The following THRB variants were observed in gnomAD, a reference collection of about 807,000 sequenced individuals.
THRB encodes the protein thyroid hormone receptor beta, also known as nuclear receptor subfamily 1 group A member 2.
THRB carries 12 observed loss-of-function variants against 47.8 expected under a neutral mutation model. The observed-to-expected ratio is 0.25, with a 90% CI of 0.16 to 0.41. The LOEUF is 0.41. Ranked by LOEUF, THRB falls within the 10% of genes least tolerant of loss-of-function variation. The pLI, the probability that THRB is intolerant of heterozygous loss-of-function variation, is 1.00. For synonymous variants in THRB, 218 were observed against 212.2 expected (o/e 1.03, Z -0.24); for missense variants, 348 against 589.2 (o/e 0.59, Z 4.24).
At chr3:24,315,871 G>T (rs1223603234) in intron 2 of THRB, among the ~76,000 whole-genome samples, 1 of 152,196 alleles carries the variant, frequency 6.6e-6, no homozygotes, top group Admixed American at 6.5e-5. Flanking sequence ...AAGGTTTTAT[G>T]ATCCTCATAT....
chr3:24,233,622 A>G (rs989811180), intron 3 of THRB, among the ~76,000 whole-genome samples: 13 of 152,154 alleles, frequency 8.5e-5, no homozygotes, highest in African/African-American at 2.9e-4. Context: ...AAAGAGAAAG[A>G]GCCTGTAGGA....
chr3:24,398,855 T>G (rs559774582), intron 1 of THRB, among the ~76,000 whole-genome samples: 4,955 of 152,130 alleles, frequency 0.033, 243 homozygotes, highest in African/African-American at 0.11. Flanking sequence ...TAGACTGGAT[T>G]AAGAAAATGT....
chr3:24,269,426 C>T (rs2053066397), intron 3 of THRB, among the ~76,000 whole-genome samples: 1 of 147,384 alleles, frequency 6.8e-6, no homozygotes, highest in African/African-American at 2.7e-5. Flanking sequence ...CACACACACA[C>T]ACACACACAC....
At chr3:24,223,218 G>A (rs1461218153) in intron 4 of THRB, among the ~76,000 whole-genome samples, 2 of 152,222 alleles carry the variant, frequency 1.3e-5, no homozygotes, top group African/African-American at 4.8e-5. Context: ...TCACCACTTT[G>A]TGTGAGTGTT....
chr3:24,430,480 T>C (rs1266352838), intron 1 of THRB, among the ~76,000 whole-genome samples: 1 of 151,992 alleles, frequency 6.6e-6, no homozygotes, highest in Non-Finnish European at 1.5e-5. Context: ...CCATTCCAGA[T>C]GAAATATATG....
intron 1 of THRB, among the ~76,000 whole-genome samples, chr3:24,447,490 C>T (rs567290035): frequency 6.6e-6 from 1 of 152,128 alleles, no homozygotes; most frequent in Admixed American, 6.5e-5. Flanking sequence ...TTTGTTTCAT[C>T]GTGTCCTGTT....
At chr3:24,469,592 A>G (rs1448328357) in intron 1 of THRB, among the ~76,000 whole-genome samples, 1 of 152,250 alleles carries the variant, frequency 6.6e-6, no homozygotes, top group Non-Finnish European at 1.5e-5. Flanking sequence ...TGAAATATCT[A>G]TGAAAATGAT....
intron 2 of THRB, among the ~76,000 whole-genome samples, chr3:24,315,924 T>G (rs2058083310): frequency 6.6e-6 from 1 of 152,234 alleles, no homozygotes; most frequent in Admixed American, 6.5e-5. Context: ...GATTCAGGCT[T>G]GACAATTGTG....
intron 5 of THRB, among the ~76,000 whole-genome samples, chr3:24,162,150 A>G (rs2038950471): frequency 6.6e-6 from 1 of 151,886 alleles, no homozygotes; most frequent in African/African-American, 2.4e-5. Context: ...GGAAACAGCT[A>G]GCACTTCCAC....
chr3:24,137,224 G>A (rs2034795337), intron 8 of THRB, among the ~76,000 whole-genome samples: 1 of 152,190 alleles, frequency 6.6e-6, no homozygotes, highest in African/African-American at 2.4e-5. Flanking sequence ...AAGTTGTGGA[G>A]GACAGAATGC....
chr3:24,178,484 T>C (rs913075549), intron 5 of THRB, among the ~76,000 whole-genome samples: 6 of 152,110 alleles, frequency 3.9e-5, no homozygotes, highest in Non-Finnish European at 5.9e-5. Flanking sequence ...AAGTGAGACC[T>C]TGTCTAAAAA....
intron 1 of THRB, among the ~76,000 whole-genome samples, chr3:24,469,258 T>C (rs917318861): frequency 1.3e-5 from 2 of 152,210 alleles, no homozygotes; most frequent in African/African-American, 4.8e-5. Context: ...GGATCCGTCT[T>C]GGATTTCTGG....
intron 6 of THRB, among the ~76,000 whole-genome samples, chr3:24,151,467 G>A (rs1309506836): frequency 6.6e-6 from 1 of 152,148 alleles, no homozygotes; most frequent in African/African-American, 2.4e-5. Flanking sequence ...TTGCTTTAGG[G>A]TTTACATCTT....
intron 4 of THRB, among the ~76,000 whole-genome samples, chr3:24,211,930 A>G (rs950945011): frequency 2.6e-5 from 4 of 152,020 alleles, no homozygotes; most frequent in African/African-American, 9.6e-5. Flanking sequence ...GCAGGCTAAA[A>G]AGGACCTTAT....
intron 5 of THRB, among the ~76,000 whole-genome samples, chr3:24,164,632 G>A (rs1266414249): frequency 6.6e-6 from 1 of 152,128 alleles, no homozygotes; most frequent in African/African-American, 2.4e-5. Flanking sequence ...GAAGTGCCAA[G>A]GAAAAGTCAA....
intron 1 of THRB, among the ~76,000 whole-genome samples, chr3:24,353,965 A>C (rs1222205754): frequency 1.3e-5 from 2 of 152,090 alleles, no homozygotes; most frequent in African/African-American, 2.4e-5. Flanking sequence ...ATTTCAATTA[A>C]ATGCTTCTAT....
chr3:24,422,204 T>C (rs1376541590), intron 1 of THRB, among the ~76,000 whole-genome samples: 1 of 151,986 alleles, frequency 6.6e-6, no homozygotes, highest in African/African-American at 2.4e-5. Flanking sequence ...TCTATCTAAT[T>C]GTTCACAAAG....
At chr3:24,125,187 A>G (rs2032506538) in intron 10 of THRB, among the ~76,000 whole-genome samples, 1 of 152,262 alleles carries the variant, frequency 6.6e-6, no homozygotes, top group Admixed American at 6.5e-5. Flanking sequence ...AAATCAGAAG[A>G]TAACCACAAA....
intron 7 of THRB, among the ~76,000 whole-genome samples, chr3:24,145,119 A>G (rs2035924091): frequency 6.6e-6 from 1 of 151,626 alleles, no homozygotes; most frequent in African/African-American, 2.4e-5. Flanking sequence ...GAGGAATGGT[A>G]ATAATACCCT....
Sources: allele counts gnomAD v4.1 joint callset (sites outside exome capture counted in the v4.1 genomes callset), GRCh38; gene constraint gnomAD v4.1.1; transcripts MANE v1.5; gene names NCBI Gene and HGNC (gene_info 2026-07-23, HGNC 2026-07-21).